Variants in SAMD8 observed in about 807,000 individuals in gnomAD.
SAMD8 encodes sterile alpha motif domain containing 8, also known as sphingomyelin synthase-related protein 1.
Under a neutral mutation model 42.0 loss-of-function variants are expected in SAMD8, and 20 were observed. The ratio of observed to expected loss-of-function variants is 0.48; its 90% CI spans 0.34 to 0.69. SAMD8 has a LOEUF of 0.69. SAMD8 is among the 30% of genes least tolerant of loss of function. The pLI, the probability that SAMD8 is intolerant of heterozygous loss-of-function variation, is 0.01. For synonymous variants in SAMD8, 162 were observed against 173.0 expected, an observed-to-expected ratio of 0.94 and a Z score of 0.50; for missense variants, 328 against 511.6, an observed-to-expected ratio of 0.64 and a Z score of 3.46.
At chr10:75,124,514 G>A (rs577512191) in intron 1 of SAMD8, among the ~76,000 whole-genome samples, 1 of 151,806 alleles carries the variant, frequency 6.6e-6, no homozygotes, top group South Asian at 2.1e-4. Flanking sequence ...TTGGAAGGCT[G>A]AGGTGGGAGA....
chr10:75,145,100 A>G (rs944131107), intron 1 of SAMD8, among the ~76,000 whole-genome samples: 2 of 151,618 alleles, frequency 1.3e-5, no homozygotes, highest in African/African-American at 4.9e-5. Context: ...TTACTTATCT[A>G]TTTCCTTTTT....
At chr10:75,163,140 T>C (rs1336849450) in intron 2 of SAMD8, among the ~76,000 whole-genome samples, 1 of 152,232 alleles carries the variant, frequency 6.6e-6, no homozygotes, top group Non-Finnish European at 1.5e-5. Context: ...TGGGCCAGGC[T>C]GGTCTTGAAC....
At chr10:75,152,852 C>T (rs961111308) in intron 2 of SAMD8, among the ~76,000 whole-genome samples, 19 of 152,260 alleles carry the variant, frequency 1.2e-4, no homozygotes, top group Admixed American at 7.8e-4. Context: ...GGCAGCACAG[C>T]GAGACCCTGC....
chr10:75,121,303 G>C (rs1422706638), intron 1 of SAMD8, among the ~76,000 whole-genome samples: 2 of 152,126 alleles, frequency 1.3e-5, no homozygotes, highest in Non-Finnish European at 2.9e-5. Context: ...TCTAGAGCCA[G>C]TACTCTTTAC....
intron 4 of SAMD8, among the ~76,000 whole-genome samples, chr10:75,174,304 T>C (rs1476753558): frequency 6.6e-6 from 1 of 152,068 alleles, no homozygotes; most frequent in Non-Finnish European, 1.5e-5. Flanking sequence ...TAATTTTTTG[T>C]ATATTTAGTA....
intron 1 of SAMD8, among the ~76,000 whole-genome samples, chr10:75,129,292 G>T (rs1271734712): frequency 6.6e-6 from 1 of 152,108 alleles, no homozygotes; most frequent in East Asian, 1.9e-4. Flanking sequence ...CCAGGCTGGA[G>T]TGCAGTGGCA....
upstream of SAMD8, chr10:75,111,651 GC>G: frequency 1.6e-6 from 2 of 1,241,970 alleles, no homozygotes; most frequent in Non-Finnish European, 2.0e-6. Flanking sequence ...GGCGGGGAGG[GC>G]CCCGGACTCC....
chr10:75,158,474 C>G (rs576578564), intron 2 of SAMD8, among the ~76,000 whole-genome samples: 1 of 152,114 alleles, frequency 6.6e-6, no homozygotes, highest in Non-Finnish European at 1.5e-5. Context: ...CTCCTTTAGT[C>G]CCAGCTACTC....
intron 1 of SAMD8, among the ~76,000 whole-genome samples, chr10:75,126,499 CTTTTTTTT>C (rs779589994): frequency 4.6e-4 from 53 of 115,538 alleles, no homozygotes; most frequent in African/African-American, 1.6e-3. Flanking sequence ...AGTGCTTTTG[CTTTTTTTT>C]TTTTTTTTTT....
At chr10:75,107,424 G>A (rs890633208), upstream of SAMD8, among the ~76,000 whole-genome samples, 11 of 152,144 alleles carry the variant, frequency 7.2e-5, no homozygotes, top group Admixed American at 5.2e-4. Flanking sequence ...AAAGTTGAGT[G>A]TTGCAGAGAA....
intron 1 of SAMD8, among the ~76,000 whole-genome samples, chr10:75,137,645 T>C (rs1249911426): frequency 3.3e-5 from 5 of 152,152 alleles, no homozygotes; most frequent in Non-Finnish European, 7.3e-5. Context: ...ATGATTCTAC[T>C]TATGTGAAAT....
chr10:75,114,054 G>A (rs1259555600), intron 1 of SAMD8, among the ~76,000 whole-genome samples: 1 of 152,102 alleles, frequency 6.6e-6, no homozygotes, highest in East Asian at 1.9e-4. Context: ...ATCAGTTTTT[G>A]GCTAGGTGTG....
rs542777446 is a variant in SAMD8 at position 75,152,544 on chromosome 10, A to G, written c.578+1438A>G. Among the ~76,000 whole-genome samples, 28 of 149,896 alleles carry G rather than the reference A, an allele frequency of 1.9e-4. No homozygotes were observed. The South Asian group carries it at 4.2e-3, about 23-fold the overall frequency. On this transcript the variant is annotated intron_variant, in intron 2 of 5. Coordinates refer to ENST00000542569, the MANE Select transcript of SAMD8 (RefSeq NM_001174156.2). ...CTCAAAAAAAAAAAAAAGAAAAAAAAAAAAGAAAAATAAGAATAGAACAGT... is the reference window on the plus strand; with the variant it reads ...CTCAAAAAAAAAAAAAAGAAAAAAAGAAAAGAAAAATAAGAATAGAACAGT...
chr10:75,144,775 A>G (rs940915106), intron 1 of SAMD8, among the ~76,000 whole-genome samples: 19 of 151,954 alleles, frequency 1.3e-4, no homozygotes, highest in Admixed American at 3.3e-4. Context: ...TTCTTGCCTG[A>G]GCCTCTGAGT....
upstream of SAMD8, chr10:75,109,009 G>A (rs202124325): frequency 2.5e-5 from 40 of 1,600,434 alleles, no homozygotes; most frequent in South Asian, 3.4e-5. Flanking sequence ...TACCACTCAC[G>A]CATCTCCTAT....
chr10:75,125,029 C>G (rs1849098368), intron 1 of SAMD8, among the ~76,000 whole-genome samples: 1 of 152,058 alleles, frequency 6.6e-6, no homozygotes, highest in South Asian at 2.1e-4. Flanking sequence ...TCAAGTGATC[C>G]TCCCGCCTCC....
intron 1 of SAMD8, among the ~76,000 whole-genome samples, chr10:75,112,799 A>G (rs1848804267): frequency 6.6e-6 from 1 of 152,236 alleles, no homozygotes; most frequent in African/African-American, 2.4e-5. Context: ...CTTGGATTTT[A>G]CAGATACTCA....
chr10:75,116,163 G>A (rs1168136181), intron 1 of SAMD8, among the ~76,000 whole-genome samples: 7 of 151,792 alleles, frequency 4.6e-5, no homozygotes, highest in Non-Finnish European at 1.0e-4. Context: ...ACAGTGGCGC[G>A]ATCATGGCTT....
At chr10:75,121,795 G>A (rs1272893357) in intron 1 of SAMD8, among the ~76,000 whole-genome samples, 3 of 152,060 alleles carry the variant, frequency 2.0e-5, no homozygotes, top group East Asian at 3.9e-4. Context: ...AGGTTCAAGC[G>A]ATTCTCCTGC....
Sources: allele counts gnomAD v4.1 joint callset (sites outside exome capture counted in the v4.1 genomes callset), GRCh38; gene constraint gnomAD v4.1.1; transcripts MANE v1.5; gene names NCBI Gene and HGNC (gene_info 2026-07-23, HGNC 2026-07-21).